Variants in TLN2 observed in about 807,000 individuals in gnomAD.
The protein encoded by TLN2 is talin-2.
Under a neutral mutation model 294.7 loss-of-function variants are expected in TLN2, and 118 were observed. The ratio of observed to expected loss-of-function variants is 0.40; its 90% confidence interval spans 0.34 to 0.47. The LOEUF (loss-of-function observed/expected upper bound fraction) is 0.47, where lower values mean the gene tolerates loss of function less well. Ranked by LOEUF, TLN2 falls within the 20% of genes least tolerant of loss-of-function variation. The pLI is 0.84. For missense variants in TLN2, 3,083 were observed against 3,282.2 expected (o/e 0.94, Z 1.48); for synonymous variants, 1,431 against 1,304.5 (o/e 1.10, Z -2.09).
chr15:62,690,270 G>A (rs1312223418), intron 12 of TLN2: 6 of 159,348 alleles, frequency 3.8e-5, no homozygotes, highest in South Asian at 1.7e-4. Flanking sequence ...GCTGCCGGGC[G>A]GAGGGGCTCC....
chr15:62,491,345 T>C (rs1365981678), intron 1 of TLN2, among the ~76,000 whole-genome samples: 5 of 115,174 alleles, frequency 4.3e-5, no homozygotes, highest in East Asian at 2.7e-4. Context: ...AAAATATATA[T>C]ATATATACAC....
intron 45 of TLN2, among the ~76,000 whole-genome samples, chr15:62,791,221 G>C (rs946794315): frequency 6.6e-6 from 1 of 152,046 alleles, no homozygotes; most frequent in Non-Finnish European, 1.5e-5. Flanking sequence ...TGGGTGTTGT[G>C]GTGGCCACCT....
At chr15:62,618,791 G>C (rs2048523564) in intron 3 of TLN2, among the ~76,000 whole-genome samples, 1 of 152,214 alleles carries the variant, frequency 6.6e-6, no homozygotes, top group East Asian at 1.9e-4. Context: ...TAGGTTTTTA[G>C]AGTGAAATAT....
rs1271407128 is a variant in TLN2, at chr15:62,836,064, G to T, written c.7365G>T (p.Arg2455Ser). 1 of 1,609,378 alleles carries T rather than the reference G, an allele frequency of 6.2e-7. No individual in the cohort carries two copies. The highest frequency in any genetic ancestry group is 8.5e-7 in the Non-Finnish European group (1 of 1,178,002). Residue 2455 changes from arginine to serine, a missense_variant, in exon 57 of 59, where the codon AGG (arginine) becomes AGT (serine). Transcript: ENST00000636159. ...VKADQDSEAM[R>S]RLQAAGNAVK... is the part of the protein sequence containing the mutation. ...CCGACCAGGATTCAGAGGCCATGAG[G>T]CGGCTACAGGTAATGGTCACTGATG...
At chr15:62,634,534 T>A (rs1290859086) in intron 3 of TLN2, among the ~76,000 whole-genome samples, 1 of 152,258 alleles carries the variant, frequency 6.6e-6, no homozygotes, top group African/African-American at 2.4e-5. Context: ...TCATCTCTCA[T>A]GGGGACATGT....
At chr15:62,502,320 A>G (rs1463753103) in intron 1 of TLN2, among the ~76,000 whole-genome samples, 1 of 152,258 alleles carries the variant, frequency 6.6e-6, no homozygotes, top group Non-Finnish European at 1.5e-5. Context: ...GTTGCTAGAA[A>G]ACAAAGGTTT....
intron 1 of TLN2, among the ~76,000 whole-genome samples, chr15:62,557,634 C>G (rs561406055): frequency 6.6e-6 from 1 of 152,144 alleles, no homozygotes; most frequent in Non-Finnish European, 1.5e-5. Flanking sequence ...CTCCACCTCC[C>G]GGGCTCAAGT....
chr15:62,652,022 A>C lies in TLN2; in HGVS notation c.252A>C (p.Lys84Asn). The change falls in exon 6 of 59, where the codon AAA becomes AAC. Residue 84 changes from lysine (K) to asparagine (N), a missense_variant. Transcript: ENST00000636159. ...TGCTCTAGGATATTTTGGAATATAA[A>C]AAGAAACAGAGACCTCAGAAAATCC... Reference protein sequence around the residue: ...MLRNGDILEYKKKQRPQKIRM... With the variant: ...MLRNGDILEYNKKQRPQKIRM... 6.2e-7 allele frequency: 1 copy of C among 1,610,472 alleles called. No individual in the cohort carries two copies. Among genetic ancestry groups the C allele is most frequent in the Non-Finnish European group, 8.5e-7 (1 of 1,177,850 alleles).
chr15:62,804,524 G>A (rs2066145157), intron 50 of TLN2, among the ~76,000 whole-genome samples: 1 of 152,164 alleles, frequency 6.6e-6, no homozygotes, highest in African/African-American at 2.4e-5. Flanking sequence ...CTTTAGCCCA[G>A]GAGGTCAAAG....
At chr15:62,777,683 G>A (rs1295412597) in intron 43 of TLN2, among the ~76,000 whole-genome samples, 1 of 152,092 alleles carries the variant, frequency 6.6e-6, no homozygotes, top group Non-Finnish European at 1.5e-5. Context: ...GCTCCTTGTG[G>A]TTCTGATATC....
In TLN2 at chr15:62,508,993, T is replaced by C. The variant is rs528590968; in HGVS notation, c.-237-80694T>C. 3.9e-5 allele frequency among the ~76,000 whole-genome samples: 6 copies of C among 152,362 alleles called. No individual in the cohort carries two copies. In the East Asian group the frequency reaches 1.2e-3, roughly 29 times the overall value. On this transcript the variant is annotated intron_variant, in intron 1 of 58. Transcript: ENST00000636159. ...GCCTGTAATCTTAGTGTTTTACTTA[T>C]TTAGCTTCCTAACATTCCTATGAGG... is the stretch of plus-strand genomic sequence containing the variant.
At chr15:62,784,146 GT>G in intron 45 of TLN2, 1 of 521,026 alleles carries the variant, frequency 1.9e-6, no homozygotes, top group Non-Finnish European at 3.3e-6. Flanking sequence ...TGTATACAGT[GT>G]TCTATCAGGT....
At chr15:62,779,534 C>A (rs927106692) in intron 43 of TLN2, among the ~76,000 whole-genome samples, 2 of 152,210 alleles carry the variant, frequency 1.3e-5, no homozygotes, top group East Asian at 3.8e-4. Flanking sequence ...TTTGTTCTTT[C>A]TTTTCCCATT....
chr15:62,469,169 C>T (rs1032794370), intron 1 of TLN2, among the ~76,000 whole-genome samples: 5 of 152,196 alleles, frequency 3.3e-5, no homozygotes, highest in African/African-American at 1.2e-4. Context: ...AGCTTCTTGA[C>T]TAGAGTCAAA....
In TLN2 at chr15:62,697,977, G is replaced by A. The variant is rs544382037; in HGVS notation, c.1473+109G>A. 114 of 1,352,214 alleles carry A rather than the reference G, an allele frequency of 8.4e-5. No individual in the cohort carries two copies. The African/African-American group carries it at 1.3e-3, about 15-fold the overall frequency. The allele number at this position is 1,352,214 out of a possible 1,614,324, so 83.8% of individuals were successfully genotyped here. A position where few individuals can be genotyped will look rare whatever the true frequency, so the allele number is the denominator to read the frequency against. The stretch of plus-strand genomic sequence containing the variant: ...AGTGTTGGAACGCTCTCTATTTCCC[G>A]GCTGAACCATGCCTCGTTCAGCTGT... On this transcript the variant is annotated intron_variant, in intron 15 of 58. Coordinates refer to ENST00000636159, the MANE Select transcript of TLN2 (RefSeq NM_015059.3).
chr15:62,498,116 T>C (rs2039104879), intron 1 of TLN2, among the ~76,000 whole-genome samples: 1 of 131,100 alleles, frequency 7.6e-6, no homozygotes, highest in African/African-American at 2.9e-5. Flanking sequence ...ATCATGCCAC[T>C]GCACTCCAGC....
At chr15:62,754,922 A>G (rs1354538167) in intron 36 of TLN2, 1 of 152,198 alleles carries the variant, frequency 6.6e-6, no homozygotes, top group African/African-American at 2.4e-5. Flanking sequence ...TGTCATCTGG[A>G]TCTGGGCTCT....
intron 1 of TLN2, among the ~76,000 whole-genome samples, chr15:62,545,171 C>T (rs1049351502): frequency 6.6e-6 from 1 of 152,050 alleles, no homozygotes; most frequent in Non-Finnish European, 1.5e-5. Context: ...ATCTCCTGAC[C>T]TCATGATCTG....
rs190271937 is a variant in TLN2, at chr15:62,688,700, C to T, written c.1113+1904C>T. Among the ~76,000 whole-genome samples the T allele has an allele frequency of 5.9e-5, 9 of 152,218 alleles. No homozygotes were observed. In the East Asian group the frequency reaches 1.5e-3, roughly 26 times the overall value. On this transcript the variant is annotated intron_variant, in intron 12 of 58. Coordinates refer to ENST00000636159, the MANE Select transcript of TLN2 (RefSeq NM_015059.3). Reference sequence around the variant, plus strand: ...GAAGCTTTGTTGTTTGATGCCTGTACATTTAAGATTCCTCTATCTTAACAG... The same window carrying T: ...GAAGCTTTGTTGTTTGATGCCTGTATATTTAAGATTCCTCTATCTTAACAG...
Sources: gnomAD v4.1 joint callset for allele counts (sites outside exome capture counted in the v4.1 genomes callset) on GRCh38, gnomAD v4.1.1 for gene constraint, MANE v1.5 for transcripts, NCBI Gene and HGNC (gene_info 2026-07-23, HGNC 2026-07-21) for gene names.